MRM3: variants seen among roughly 807,000 people sequenced by gnomAD.
The protein encoded by MRM3 is rRNA methyltransferase 3, mitochondrial.
In MRM3, 26 loss-of-function variants were observed where a neutral mutation model predicts 29.4. That is an observed-to-expected ratio of 0.89 (90% CI 0.65 to 1.23). MRM3 has a LOEUF of 1.23. Among genes scored for constraint, MRM3 ranks in the 50% most tolerant of loss-of-function variants. The pLI is 0.00. For synonymous variants in MRM3, 225 were observed against 219.0 expected (o/e 1.03, Z -0.24); for missense variants, 578 against 540.2 (o/e 1.07, Z -0.69).
In MRM3 at chr17:791,975, A is replaced by T. The variant is rs551562247; in HGVS notation, c.1169A>T (p.Asn390Ile). 1.9e-6 allele frequency: 3 copies of T among 1,613,992 alleles called. No individual in the cohort carries two copies. In the South Asian group the frequency reaches 3.3e-5, roughly 18 times the overall value. The change falls in exon 4 of 4, where the codon AAC becomes ATC. Residue 390 changes from asparagine (N) to isoleucine (I), a missense_variant. By Grantham distance (149) the Asn-to-Ile change is moderately radical. Transcript: ENST00000304478. ...GTTGTGCCTGGTGTGGACAGCCTCA[A>T]CTCGGCCATGGCGGCAAGCATCCTG... is the stretch of plus-strand genomic sequence containing the variant. ...IPVVPGVDSL[N>I]SAMAASILLF...
At chr17:791,022 C>T (rs1240009476) in intron 3 of MRM3, among the ~76,000 whole-genome samples, 1 of 152,130 alleles carries the variant, frequency 6.6e-6, no homozygotes, top group Non-Finnish European at 1.5e-5. Context: ...CGCTGATTGG[C>T]CGGCTCACCA....
intron 3 of MRM3, 61 bp downstream of exon 3, chr17:788,193 C>G: frequency 6.4e-7 from 1 of 1,565,570 alleles, no homozygotes; most frequent in Non-Finnish European, 8.7e-7. Context: ...TTTGGGAGGC[C>G]GAGGCAGGAG....
Position 782,596 on chromosome 17 carries a change from A to G in MRM3, c.218A>G (p.Lys73Arg), listed in dbSNP as rs368602188. Residue 73 changes from lysine to arginine, a missense_variant, in exon 1 of 4, where the codon AAA becomes AGA. Transcript: ENST00000304478. ...SEASAQEQRE[K>R]QPLEESASRA... ...GCCAGTGCCCAGGAGCAACGAGAGA[A>G]ACAACCGCTCGAGGAGTCCGCATCC... 8.1e-6 allele frequency: 13 copies of G among 1,613,954 alleles called. No individual in the cohort carries two copies. Among genetic ancestry groups the G allele is most frequent in the African/African-American group, 1.3e-5 (1 of 74,930 alleles).
At chr17:784,896 T>TA (rs1910463591) in intron 2 of MRM3, among the ~76,000 whole-genome samples, 1 of 152,358 alleles carries the variant, frequency 6.6e-6, no homozygotes, top group African/African-American at 2.4e-5. Context: ...AGACGCCTAA[T>TA]ACCCTTCCAT....
Position 782,641 on chromosome 17 carries a change from A to T in MRM3, c.263A>T (p.Glu88Val), listed in dbSNP as rs1335043023. 1.9e-6 allele frequency: 3 copies of T among 1,613,520 alleles called. No homozygotes were observed. Among genetic ancestry groups the T allele is most frequent in the Non-Finnish European group, 2.5e-6 (3 of 1,179,762 alleles). The change falls in exon 1 of 4, where the codon GAA becomes GTA. Residue 88 changes from glutamate to valine, a missense_variant. Glu to Val is a moderately radical substitution (Grantham distance 121). Coordinates refer to ENST00000304478, the MANE Select transcript of MRM3 (RefSeq NM_018146.4). ...ESASRAPSTW[E>V]ESGLRYDKAY... ...GCATCCCGCGCTCCCAGCACCTGGG[A>T]AGAGTCTGGGCTTCGCTACGATAAA...
chr17:782,984 G>A, intron 1 of MRM3, 99 bp from the exon 2 acceptor site: 1 of 1,490,008 alleles, frequency 6.7e-7, no homozygotes, highest in African/African-American at 1.4e-5. Flanking sequence ...CACCGCGCCC[G>A]GCCCTCTCCG....
Position 787,856 on chromosome 17 carries a change from C to A in MRM3, c.560-109C>A. The A allele has an allele frequency of 8.5e-7, 1 of 1,171,092 alleles. No homozygotes were observed. Among genetic ancestry groups the A allele is most frequent in the Non-Finnish European group, 1.3e-6 (1 of 796,716 alleles). The allele number at this position is 1,171,092 out of a possible 1,614,324, so 72.5% of individuals were successfully genotyped here. A position where few individuals can be genotyped will look rare whatever the true frequency, so the allele number is the denominator to read the frequency against. Reference sequence around the variant, plus strand: ...GAGCCAGTACACCTGGCCTGTATTCCTGTATTTTTATGTAACTAAGACCAT... The same window carrying A: ...GAGCCAGTACACCTGGCCTGTATTCATGTATTTTTATGTAACTAAGACCAT... On this transcript the variant is annotated intron_variant, in intron 2 of 3. Coordinates refer to ENST00000304478, the MANE Select transcript of MRM3 (RefSeq NM_018146.4). The surrounding 1 kb of genome is among the most constrained non-coding windows in gnomAD (Gnocchi z 4.1).
chr17:782,445 G>A lies in MRM3; in HGVS notation c.67G>A (p.Asp23Asn). The A allele has an allele frequency of 6.2e-7, 1 of 1,613,974 alleles. No individual in the cohort carries two copies. ...GTTGCTGCAGGTGGTCCAGGCTTGG[G>A]ACCTTGACGCGAGGCGCTGGGTCCG... ...RPLLQVVQAW[D>N]LDARRWVRAL... The change falls in exon 1 of 4, where the codon GAC becomes AAC. Residue 23 changes from aspartate to asparagine, a missense_variant. Coordinates refer to ENST00000304478, the MANE Select transcript of MRM3 (RefSeq NM_018146.4).
In MRM3 at chr17:787,100, C is replaced by T. The variant is rs1378244589; in HGVS notation, c.560-865C>T. Among the ~76,000 whole-genome samples, 4 of 152,092 alleles carry T rather than the reference C, an allele frequency of 2.6e-5. No homozygotes were observed. The highest frequency in any genetic ancestry group is 1.9e-4 in the East Asian group (1 of 5,162). On this transcript the variant is annotated intron_variant, in intron 2 of 3. Transcript: ENST00000304478. This position sits in a 1 kb window ranked among gnomAD's most constrained non-coding sequence, Gnocchi z 4.1. ...TCTATTAAAAATACAAAAAATTAGC[C>T]GGGTGTGGTTGCGGGTGCCTGTAAT...
rs891231243 is a variant in MRM3 at position 788,054 on chromosome 17, C to G, written c.649C>G (p.Leu217Val). 2 of 1,614,176 alleles carry G rather than the reference C, an allele frequency of 1.2e-6. No homozygotes were observed. The highest frequency in any genetic ancestry group is 1.7e-6 in the Non-Finnish European group (2 of 1,180,006). The change falls in exon 3 of 4, where the codon CTC becomes GTC. Residue 217 changes from leucine to valine, a missense_variant. Coordinates refer to ENST00000304478, the MANE Select transcript of MRM3 (RefSeq NM_018146.4). Reference protein sequence around the residue: ...SLPLLLICDNLRDPGNLGTIL... With the variant: ...SLPLLLICDNVRDPGNLGTIL... ...GCCTTTATTATTGATTTGTGACAATCTCCGTGACCCTGGGAACCTGGGGAC... is the reference window on the plus strand; with the variant it reads ...GCCTTTATTATTGATTTGTGACAATGTCCGTGACCCTGGGAACCTGGGGAC...
At chr17:784,733 C>G (rs1285475743) in intron 2 of MRM3, among the ~76,000 whole-genome samples, 2 of 152,138 alleles carry the variant, frequency 1.3e-5, no homozygotes, top group East Asian at 3.8e-4. Context: ...CAGACACTCC[C>G]CAGAATCCAG....
At position 792,205 on chromosome 17, in the gene MRM3, A is replaced by C; in HGVS notation, c.*136A>C. The C allele has an allele frequency of 1.2e-6, 1 of 815,842 alleles. No individual in the cohort carries two copies. The allele number at this position is 815,842 out of a possible 1,614,324, so 50.5% of individuals were successfully genotyped here. On this transcript the variant is annotated 3_prime_UTR_variant, in exon 4 of 4. Coordinates refer to ENST00000304478, the MANE Select transcript of MRM3 (RefSeq NM_018146.4). ...TGTGATGCCGTCATACAGTTACAGG[A>C]AAAATAAGAACTTCCTCAGAAAGAA...
Position 791,848 on chromosome 17 carries a change from G to C in MRM3, c.1042G>C (p.Glu348Gln). ...TCAGAGTTACGACTCGGACTGGACA[G>C]AGGCGCCGGCAGCTGTGGTGATTGG... ...EVQSYDSDWTEAPAAVVIGGE... is the reference protein window; with the variant it reads ...EVQSYDSDWTQAPAAVVIGGE... Residue 348 changes from glutamate (E) to glutamine (Q), a missense_variant, in exon 4 of 4, where the codon GAG (glutamate) becomes CAG (glutamine). Physicochemically the swap from Glu to Gln is conservative, Grantham distance 29. Coordinates refer to ENST00000304478, the MANE Select transcript of MRM3 (RefSeq NM_018146.4). 1 of 1,614,176 alleles carries C rather than the reference G, an allele frequency of 6.2e-7. No homozygotes were observed. Among genetic ancestry groups the C allele is most frequent in the East Asian group, 2.2e-5 (1 of 44,888 alleles).
chr17:782,830 C>T, intron 1 of MRM3, 138 bp downstream of exon 1: 2 of 987,726 alleles, frequency 2.0e-6, no homozygotes, highest in Non-Finnish European at 2.9e-6. Context: ...GCCGAATAAG[C>T]GTCTTTGGAA....
At chr17:786,770 T>C (rs541317789) in intron 2 of MRM3, among the ~76,000 whole-genome samples, 1 of 152,344 alleles carries the variant, frequency 6.6e-6, no homozygotes, top group African/African-American at 2.4e-5. Flanking sequence ...TGAACGTTAA[T>C]AGTGCACGCA....
At chr17:783,455 G>A in intron 2 of MRM3, 128 bp downstream of exon 2, 1 of 931,104 alleles carries the variant, frequency 1.1e-6, no homozygotes, top group South Asian at 1.9e-5. Context: ...TCTTGCCTCA[G>A]CCTCCGCAGT....
rs754376312 is a variant in MRM3 at position 791,943 on chromosome 17, G to GAA, written c.1138_1139insAA (p.Ile380LysfsTer35). On this transcript the variant is annotated frameshift_variant, in exon 4 of 4. Coordinates refer to ENST00000304478, the MANE Select transcript of MRM3 (RefSeq NM_018146.4). LOFTEE classifies it high-confidence loss of function. ...AGAGCACTGGTGGCAAGAGGCTGCT[G>GAA]ATCCCCGTTGTGCCTGGTGTGGACA... 1 of 1,614,048 alleles carries GAA rather than the reference G, an allele frequency of 6.2e-7. No homozygotes were observed. Among genetic ancestry groups the GAA allele is most frequent in the South Asian group, 1.1e-5 (1 of 91,088 alleles).
In MRM3 at chr17:787,950, G is replaced by T; in HGVS notation, c.560-15G>T. ...CCCACACCAGGCAAGTAAACCACCT[G>T]TTTTGTTTCCTCAGGGATTTTTGCC... On this transcript the variant is annotated splice_polypyrimidine_tract_variant and intron_variant, in intron 2 of 3. Transcript: ENST00000304478. This position sits in a 1 kb window ranked among gnomAD's most constrained non-coding sequence, Gnocchi z 4.1. 6.2e-7 allele frequency: 1 copy of T among 1,612,856 alleles called. No homozygotes were observed. The highest frequency in any genetic ancestry group is 1.7e-5 in the Admixed American group (1 of 60,006).
Position 792,121 on chromosome 17 carries a change from G to C in MRM3, c.*52G>C. The C allele has an allele frequency of 6.6e-7, 1 of 1,522,888 alleles. No individual in the cohort carries two copies. Among genetic ancestry groups the C allele is most frequent in the Non-Finnish European group, 8.8e-7 (1 of 1,130,288 alleles). The allele number at this position is 1,522,888 out of a possible 1,614,324, so 94.3% of individuals were successfully genotyped here. On this transcript the variant is annotated 3_prime_UTR_variant, in exon 4 of 4. Transcript: ENST00000304478. ...GACGTCTGCAGCTCCTCCTACACCA[G>C]CACACTGGTGGGAGGCTGGCGGAGT... is the stretch of plus-strand genomic sequence containing the variant.
Sources: gnomAD v4.1 joint callset for allele counts (sites outside exome capture counted in the v4.1 genomes callset) on GRCh38, gnomAD v4.1.1 for gene constraint, Gnocchi (gnomAD v3.1) non-coding constraint, MANE v1.5 for transcripts, NCBI Gene and HGNC (gene_info 2026-07-23, HGNC 2026-07-21) for gene names.